LRFN2: variants seen among roughly 807,000 people sequenced by gnomAD.
LRFN2 encodes leucine rich repeat and fibronectin type III domain containing 2.
In LRFN2, 18 loss-of-function variants were observed where a neutral mutation model predicts 37.3. The ratio of observed to expected loss-of-function variants is 0.48; its 90% CI spans 0.33 to 0.72. LRFN2 has a LOEUF of 0.72. Among genes scored for constraint, LRFN2 ranks in the 30% least tolerant of loss-of-function variants. The probability of loss-of-function intolerance (pLI) is 0.02; values close to 1 mark genes in which losing one functional copy is unlikely to be tolerated. For missense variants in LRFN2, 1,006 were observed against 1,060.7 expected (o/e 0.95, Z 0.72); for synonymous variants, 556 against 466.6 (o/e 1.19, Z -2.47).
At chr6:40,495,175 C>T (rs1260450584) in intron 1 of LRFN2, among the ~76,000 whole-genome samples, 1 of 152,224 alleles carries the variant, frequency 6.6e-6, no homozygotes, top group African/African-American at 2.4e-5. Flanking sequence ...TAATCATTTT[C>T]CCTGCCTGGT....
intron 2 of LRFN2, among the ~76,000 whole-genome samples, chr6:40,430,960 C>T (rs2113822920): frequency 6.6e-6 from 1 of 152,164 alleles, no homozygotes; most frequent in Non-Finnish European, 1.5e-5. Flanking sequence ...ACGGTGAAGC[C>T]AACCCAGAGA....
intron 1 of LRFN2, among the ~76,000 whole-genome samples, chr6:40,513,225 C>T (rs550484728): frequency 6.7e-5 from 10 of 150,208 alleles, no homozygotes; most frequent in African/African-American, 2.5e-4. Context: ...AATACGCCCT[C>T]ATTTAACAAT....
At chr6:40,518,382 T>G (rs567288823) in intron 1 of LRFN2, among the ~76,000 whole-genome samples, 2 of 152,280 alleles carry the variant, frequency 1.3e-5, no homozygotes, top group East Asian at 3.9e-4. Context: ...AGGGGAAAAC[T>G]GAGGTATAGA....
At chr6:40,538,355 C>A (rs1326792533) in intron 1 of LRFN2, among the ~76,000 whole-genome samples, 2 of 152,150 alleles carry the variant, frequency 1.3e-5, no homozygotes, top group Admixed American at 6.5e-5. Context: ...CCCCCTGCCA[C>A]CCACTACCTT....
At chr6:40,431,629 G>A (rs1763484963) in intron 2 of LRFN2, 85 bp downstream of exon 2, 4 of 1,229,214 alleles carry the variant, frequency 3.3e-6, no homozygotes, top group African/African-American at 1.5e-5. Context: ...AGGGGTATAG[G>A]TGGGAGCAGC....
intron 1 of LRFN2, among the ~76,000 whole-genome samples, chr6:40,556,351 G>A (rs1037257740): frequency 3.3e-5 from 5 of 152,172 alleles, no homozygotes; most frequent in African/African-American, 9.7e-5. Context: ...CTACAGCAGG[G>A]GCCCTTCTGC....
chr6:40,549,375 A>G (rs1766723120), intron 1 of LRFN2, among the ~76,000 whole-genome samples: 1 of 152,176 alleles, frequency 6.6e-6, no homozygotes, highest in Admixed American at 6.5e-5. Context: ...CTGCTGCTTC[A>G]TTTTCCTTTG....
At chr6:40,579,238 C>T (rs2113799235) in intron 1 of LRFN2, among the ~76,000 whole-genome samples, 1 of 152,310 alleles carries the variant, frequency 6.6e-6, no homozygotes, top group Admixed American at 6.5e-5. Flanking sequence ...GACAGAGAGT[C>T]CAGGATTTAA....
At position 40,468,681 on chromosome 6, in the gene LRFN2, G is replaced by A. The variant is rs945344069; in HGVS notation, c.-18-35550C>T. Among the ~76,000 whole-genome samples, 9 of 151,704 alleles carry A rather than the reference G, an allele frequency of 5.9e-5. 1 individual carries two copies. The highest frequency in any genetic ancestry group is 2.2e-4 in the African/African-American group (9 of 40,962). On this transcript the variant is annotated intron_variant, in intron 1 of 2. Transcript: ENST00000338305. ...AATATGAATGGGCAGTTATAGAGGT[G>A]CTGAAGGAGCATGGGGGCTTATCCA...
At chr6:40,401,700 A>G (rs866463205) in intron 2 of LRFN2, among the ~76,000 whole-genome samples, 2 of 152,152 alleles carry the variant, frequency 1.3e-5, no homozygotes, top group Non-Finnish European at 2.9e-5. Flanking sequence ...AGAGGAAGAC[A>G]TTGGTGCTGG....
chr6:40,443,203 G>A (rs1763884595), intron 1 of LRFN2, among the ~76,000 whole-genome samples: 1 of 152,150 alleles, frequency 6.6e-6, no homozygotes, highest in South Asian at 2.1e-4. Context: ...ATCCTCACCT[G>A]TTGGCCAACC....
Position 40,392,334 on chromosome 6 carries a change from A to T in LRFN2, c.1979T>A (p.Phe660Tyr). ...KPSLDRLMGA[F>Y]ASLDLKSQRK... ...CTGACTCTTGAGGTCCAGGGAGGCGAAGGCCCCCATCAGGCGGTCAAGGCT... is the reference window on the plus strand; with the variant it reads ...CTGACTCTTGAGGTCCAGGGAGGCGTAGGCCCCCATCAGGCGGTCAAGGCT... Residue 660 changes from phenylalanine (F) to tyrosine (Y), a missense_variant, in exon 3 of 3, where the codon TTC (phenylalanine) becomes TAC (tyrosine). Physicochemically the swap from Phe to Tyr is conservative, Grantham distance 22 (BLOSUM62 3). Around this residue, in one of 4 missense-constraint regions of LRFN2, gnomAD observed 398 missense variants for 327.6 expected, o/e 1.21. Transcript: ENST00000338305. The surrounding 1 kb of genome is among the most constrained non-coding windows in gnomAD (Gnocchi z 4.7). The T allele has an allele frequency of 6.2e-7, 1 of 1,610,564 alleles. No homozygotes were observed. The highest frequency in any genetic ancestry group is 1.1e-5 in the South Asian group (1 of 90,420).
At chr6:40,393,940 G>A (rs1335554213) in intron 2 of LRFN2, among the ~76,000 whole-genome samples, 1 of 152,156 alleles carries the variant, frequency 6.6e-6, no homozygotes, top group East Asian at 1.9e-4. Context: ...GGAGAAGGGG[G>A]CCTGCTGCTT....
At chr6:40,491,239 C>T (rs778818660) in intron 1 of LRFN2, among the ~76,000 whole-genome samples, 4 of 152,230 alleles carry the variant, frequency 2.6e-5, no homozygotes, top group African/African-American at 7.2e-5. Context: ...ATTCTCCCCA[C>T]CTCAATGTCT....
In LRFN2 at chr6:40,392,672, C is replaced by G. The variant is rs144305663; in HGVS notation, c.1641G>C (p.Leu547=). Residue 547 remains leucine, a synonymous_variant, in exon 3 of 3, where the codon CTG becomes CTC. Coordinates refer to ENST00000338305, the MANE Select transcript of LRFN2 (RefSeq NM_020737.3). This position sits in a 1 kb window ranked among gnomAD's most constrained non-coding sequence, Gnocchi z 4.7. ...GCACCATGAGGATGACGATGAAGACCAGCAGCGTGGCCACGATGATGCCCC... is the reference window on the plus strand; with the variant it reads ...GCACCATGAGGATGACGATGAAGACGAGCAGCGTGGCCACGATGATGCCCC... ...VIGGIIVATL[L]VFIVILMVRY... is the part of the protein sequence containing the mutation. The G allele has an allele frequency of 1.1e-5, 17 of 1,613,834 alleles. No homozygotes were observed. In the African/African-American group the frequency reaches 2.1e-4, roughly 20 times the overall value.
chr6:40,427,438 A>G (rs932471177), intron 2 of LRFN2, among the ~76,000 whole-genome samples: 28 of 152,180 alleles, frequency 1.8e-4, no homozygotes, highest in Admixed American at 7.2e-4. Context: ...ACTTTTTCCA[A>G]CTGGACCTGT....
At chr6:40,584,113 T>A (rs1028486627) in intron 1 of LRFN2, among the ~76,000 whole-genome samples, 2 of 152,170 alleles carry the variant, frequency 1.3e-5, no homozygotes, top group Non-Finnish European at 2.9e-5. Context: ...AACAATCAGC[T>A]TATGTCTGAT....
chr6:40,515,155 A>G (rs149356009), intron 1 of LRFN2, among the ~76,000 whole-genome samples: 1 of 152,218 alleles, frequency 6.6e-6, no homozygotes, highest in African/African-American at 2.4e-5. Context: ...ACTCAGACAC[A>G]TGCTAAAATG....
Position 40,392,526 on chromosome 6 carries a change from G to T in LRFN2, c.1787C>A (p.Pro596Gln), listed in dbSNP as rs200804161. ...CACCACCACCTTCGGCGGGCCCTGC[G>T]GCGGGGCCCCGGCTGGTGCGCTGCT... ...PPSSAPAGAP[P>Q]QGPPKVVVRN... Residue 596 changes from proline (P) to glutamine (Q), a missense_variant, in exon 3 of 3, where the codon CCG (proline) becomes CAG (glutamine). Physicochemically the swap from Pro to Gln is moderately conservative, Grantham distance 76. Transcript: ENST00000338305. The surrounding 1 kb of genome is among the most constrained non-coding windows in gnomAD (Gnocchi z 4.7). The T allele has an allele frequency of 1.9e-6, 3 of 1,588,518 alleles. No individual in the cohort carries two copies. The highest frequency in any genetic ancestry group is 1.1e-5 in the South Asian group (1 of 89,364).
Sources: allele counts gnomAD v4.1 joint callset (sites outside exome capture counted in the v4.1 genomes callset), GRCh38; gene constraint gnomAD v4.1.1; regional missense constraint gnomAD v4.1.1; non-coding constraint Gnocchi (gnomAD v3.1); transcripts MANE v1.5; gene names NCBI Gene and HGNC (gene_info 2026-07-23, HGNC 2026-07-21).